The following MALRD1 variants were observed in gnomAD, a reference collection of about 807,000 sequenced individuals.
MALRD1 encodes MAM and LDL receptor class A domain containing 1.
Under a neutral mutation model 242.1 loss-of-function variants are expected in MALRD1, and 247 were observed. The observed-to-expected ratio is 1.02, with a 90% CI of 0.92 to 1.13. The LOEUF (loss-of-function observed/expected upper bound fraction) is 1.13, where lower values mean the gene tolerates loss of function less well. Among genes scored for constraint, MALRD1 ranks in the 50% most tolerant of loss-of-function variants. The probability of loss-of-function intolerance (pLI) is 0.00; values close to 1 mark genes in which losing one functional copy is unlikely to be tolerated. For synonymous variants in MALRD1, 995 were observed against 866.6 expected, an observed-to-expected ratio of 1.15 and a Z score of -2.60; for missense variants, 2,989 against 2,533.1, an observed-to-expected ratio of 1.18 and a Z score of -3.86.
At chr10:19,374,106 A>G (rs1193442944) in intron 26 of MALRD1, among the ~76,000 whole-genome samples, 2 of 152,236 alleles carry the variant, frequency 1.3e-5, no homozygotes, top group African/African-American at 4.8e-5. Flanking sequence ...ATATGTGCAT[A>G]CATTAGCTAC....
chr10:19,687,475 C>G (rs1842625242), intron 36 of MALRD1, among the ~76,000 whole-genome samples: 1 of 152,180 alleles, frequency 6.6e-6, no homozygotes, highest in Non-Finnish European at 1.5e-5. Context: ...AATATCCCCA[C>G]TTGCACTGGT....
At chr10:19,581,096 T>A (rs998509529) in intron 33 of MALRD1, among the ~76,000 whole-genome samples, 5 of 152,184 alleles carry the variant, frequency 3.3e-5, no homozygotes, top group Non-Finnish European at 7.3e-5. Flanking sequence ...TGAAGGGCTC[T>A]TATGGAGACA....
chr10:19,155,300 C>A, intron 12 of MALRD1, 128 bp downstream of exon 12: 2 of 431,418 alleles, frequency 4.6e-6, no homozygotes, highest in Non-Finnish European at 7.7e-6. Context: ...GATTTACATG[C>A]GCTATTTCAA....
chr10:19,396,626 C>T (rs1409369316), intron 28 of MALRD1, among the ~76,000 whole-genome samples: 1 of 152,128 alleles, frequency 6.6e-6, no homozygotes. Flanking sequence ...TACTCTTAAC[C>T]ACTATACTCA....
chr10:19,415,198 A>T (rs908627642), intron 28 of MALRD1, among the ~76,000 whole-genome samples: 1 of 152,206 alleles, frequency 6.6e-6, no homozygotes, highest in African/African-American at 2.4e-5. Context: ...TAATTTTTAA[A>T]TGTGTTAAAC....
intron 2 of MALRD1, among the ~76,000 whole-genome samples, chr10:19,075,022 A>C (rs1835273976): frequency 6.6e-6 from 1 of 152,084 alleles, no homozygotes; most frequent in Non-Finnish European, 1.5e-5. Context: ...GAACATACCC[A>C]GTAGATGTCA....
chr10:19,188,691 G>C (rs1835843051), intron 14 of MALRD1, among the ~76,000 whole-genome samples: 1 of 152,182 alleles, frequency 6.6e-6, no homozygotes, highest in Non-Finnish European at 1.5e-5. Flanking sequence ...CAGCTCAGCT[G>C]TTATTGTCAG....
At chr10:19,554,952 T>C (rs1468800170) in intron 32 of MALRD1, among the ~76,000 whole-genome samples, 3 of 152,156 alleles carry the variant, frequency 2.0e-5, no homozygotes, top group African/African-American at 7.2e-5. Context: ...TGGTTCTGGA[T>C]CTTTGAGGAA....
intron 21 of MALRD1, among the ~76,000 whole-genome samples, chr10:19,296,435 T>C (rs562197421): frequency 1.1e-3 from 173 of 152,194 alleles, no homozygotes; most frequent in African/African-American, 3.8e-3. Flanking sequence ...TTTGGCATGA[T>C]TTTTCCAGTT....
intron 36 of MALRD1, among the ~76,000 whole-genome samples, chr10:19,623,138 T>C (rs1316977476): frequency 2.0e-5 from 3 of 152,034 alleles, no homozygotes; most frequent in Non-Finnish European, 4.4e-5. Context: ...TGAAGACAGA[T>C]AAAGTTAATT....
intron 28 of MALRD1, among the ~76,000 whole-genome samples, chr10:19,441,593 A>G (rs1230668421): frequency 1.3e-5 from 2 of 152,082 alleles, no homozygotes; most frequent in Non-Finnish European, 2.9e-5. Flanking sequence ...TTTATTAAAT[A>G]GGGAATCCTT....
intron 31 of MALRD1, among the ~76,000 whole-genome samples, chr10:19,517,906 T>G (rs1157872265): frequency 2.0e-5 from 3 of 152,176 alleles, no homozygotes; most frequent in African/African-American, 7.2e-5. Flanking sequence ...GACACCAAAC[T>G]GTTAATTCAG....
intron 29 of MALRD1, chr10:19,489,221 G>A (rs1372832192): frequency 2.1e-6 from 1 of 474,910 alleles, no homozygotes; most frequent in Admixed American, 2.3e-5. Flanking sequence ...AAAGGCAGCA[G>A]CGAAGGATAC....
chr10:19,409,740 G>C, intron 28 of MALRD1, among the ~76,000 whole-genome samples: 1 of 152,168 alleles, frequency 6.6e-6, no homozygotes, highest in East Asian at 1.9e-4. Context: ...TGAATTCATA[G>C]TTATCTCACA....
chr10:19,275,630 C>T (rs2131862389), intron 19 of MALRD1, among the ~76,000 whole-genome samples: 1 of 152,122 alleles, frequency 6.6e-6, no homozygotes, highest in South Asian at 2.1e-4. Flanking sequence ...GATCGCGACA[C>T]TGCACTCCAG....
At position 19,477,412 on chromosome 10, in the gene MALRD1, G is replaced by T. The variant is rs371759339; in HGVS notation, c.5030-14105G>T. On this transcript the variant is annotated intron_variant, in intron 29 of 39. Transcript: ENST00000454679. ...AAATGGGAAAATAGAAATAAGGCCT[G>T]TTAGCTCTCAGTTGAGTGACTATTC... Among the ~76,000 whole-genome samples the T allele has an allele frequency of 7.5e-4, 114 of 152,152 alleles. 1 individual carries two copies. The South Asian group carries it at 0.01, about 14-fold the overall frequency.
chr10:19,367,943 A>T (rs1845177071), intron 26 of MALRD1, among the ~76,000 whole-genome samples: 1 of 151,774 alleles, frequency 6.6e-6, no homozygotes, highest in African/African-American at 2.4e-5. Flanking sequence ...CCTATTTTTA[A>T]ATTGGAGTAT....
intron 38 of MALRD1, among the ~76,000 whole-genome samples, chr10:19,721,385 T>C (rs1834743616): frequency 6.6e-6 from 1 of 152,086 alleles, no homozygotes; most frequent in Admixed American, 6.5e-5. Flanking sequence ...GTGGGACAAC[T>C]CAGATTCACC....
At chr10:19,393,048 A>G (rs1048076930) in intron 28 of MALRD1, among the ~76,000 whole-genome samples, 1 of 152,196 alleles carries the variant, frequency 6.6e-6, no homozygotes, top group Non-Finnish European at 1.5e-5. Context: ...TGGATTGACT[A>G]TGACTTGAAC....
Sources: gnomAD v4.1 joint callset for allele counts (sites outside exome capture counted in the v4.1 genomes callset) on GRCh38, gnomAD v4.1.1 for gene constraint, MANE v1.5 for transcripts, NCBI Gene and HGNC (gene_info 2026-07-23, HGNC 2026-07-21) for gene names.